The following SV2C variants were observed in gnomAD, a reference collection of about 807,000 sequenced individuals.
SV2C encodes the protein solute carrier family 22 member B3.
A neutral mutation model predicts 79.7 loss-of-function variants in SV2C; 49 were observed. That is an observed-to-expected ratio of 0.61 (90% CI 0.49 to 0.78). The LOEUF is 0.78. Ranked by LOEUF, SV2C falls within the 30% of genes least tolerant of loss-of-function variation. The probability of loss-of-function intolerance (pLI) is 0.00; values close to 1 mark genes in which losing one functional copy is unlikely to be tolerated. For synonymous variants in SV2C, 334 were observed against 333.2 expected (o/e 1.00, Z -0.03); for missense variants, 833 against 912.9 (o/e 0.91, Z 1.13).
chr5:75,887,578 G>T, the SV2C span, among the ~76,000 whole-genome samples: 22 of 152,234 alleles, frequency 1.4e-4, no homozygotes, highest in South Asian at 1.7e-3. Context: ...CGTCTGGAAT[G>T]CAGGTACCTT....
chr5:75,933,305 TACTC>T, the SV2C span, among the ~76,000 whole-genome samples: 1 of 152,246 alleles, frequency 6.6e-6, no homozygotes, highest in Non-Finnish European at 1.5e-5. Context: ...TTCACTTGCT[TACTC>T]ACATGTTTAA....
the SV2C span, among the ~76,000 whole-genome samples, chr5:76,011,340 T>C: frequency 2.0e-5 from 3 of 152,130 alleles, no homozygotes; most frequent in Non-Finnish European, 2.9e-5. Context: ...AAATAACTAG[T>C]ATAATAGCTA....
At chr5:76,157,224 C>T (rs1195205308) in intron 2 of SV2C, among the ~76,000 whole-genome samples, 1 of 151,930 alleles carries the variant, frequency 6.6e-6, no homozygotes, top group African/African-American at 2.4e-5. Flanking sequence ...CTGACTTCTC[C>T]TCAGAAATAG....
chr5:75,972,250 C>A, the SV2C span, among the ~76,000 whole-genome samples: 2 of 152,058 alleles, frequency 1.3e-5, no homozygotes, highest in Non-Finnish European at 2.9e-5. Context: ...CAATACCATT[C>A]AGGACATAGG....
chr5:76,326,537 C>G lies in SV2C; in HGVS notation c.*990C>G, dbSNP rs961122153. 2.0e-5 allele frequency: 3 copies of G among 152,170 alleles called. No homozygotes were observed. The highest frequency in any genetic ancestry group is 7.2e-5 in the African/African-American group (3 of 41,440). The allele number at this position is 152,170 out of a possible 1,614,324, so 9.4% of individuals were successfully genotyped here. Reference sequence around the variant, plus strand: ...GCCATTTGGAAATACAAAATGGTACCTCTTTCCAGTACCTCTTTGCTGTGG... The same window carrying G: ...GCCATTTGGAAATACAAAATGGTACGTCTTTCCAGTACCTCTTTGCTGTGG... On this transcript the variant is annotated 3_prime_UTR_variant, in exon 13 of 13. Coordinates refer to ENST00000502798, the MANE Select transcript of SV2C (RefSeq NM_014979.4).
At chr5:76,129,225 A>C (rs1323386885) in intron 1 of SV2C, among the ~76,000 whole-genome samples, 1 of 152,204 alleles carries the variant, frequency 6.6e-6, no homozygotes, top group Non-Finnish European at 1.5e-5. Flanking sequence ...ATCTACAAAC[A>C]TCTAATTTTA....
upstream of SV2C, chr5:76,082,046 G>C (rs1165508532): frequency 6.6e-6 from 1 of 152,296 alleles, no homozygotes; most frequent in East Asian, 1.9e-4. Flanking sequence ...GGAGAGATGT[G>C]TGTGTTTGAG....
At chr5:76,150,002 G>C (rs921751615) in intron 2 of SV2C, among the ~76,000 whole-genome samples, 1 of 152,180 alleles carries the variant, frequency 6.6e-6, no homozygotes, top group Admixed American at 6.5e-5. Flanking sequence ...AATCTAGTTA[G>C]ATCAGAAATA....
At chr5:75,900,930 C>G in the SV2C span, among the ~76,000 whole-genome samples, 1 of 152,210 alleles carries the variant, frequency 6.6e-6, no homozygotes, top group Non-Finnish European at 1.5e-5. Context: ...TGGTTTTCAG[C>G]TCCATCAGCT....
chr5:76,321,237 A>G (rs545554188), intron 12 of SV2C, among the ~76,000 whole-genome samples: 2 of 152,174 alleles, frequency 1.3e-5, no homozygotes, highest in Non-Finnish European at 1.5e-5. Context: ...CAAATCAAAC[A>G]AAGAAAGATG....
the SV2C span, among the ~76,000 whole-genome samples, chr5:76,030,190 A>C: frequency 1.3e-5 from 2 of 151,436 alleles, no homozygotes. Context: ...CTCCTTGACA[A>C]AATGTGTAAA....
the SV2C span, among the ~76,000 whole-genome samples, chr5:75,969,313 T>A: frequency 6.6e-6 from 1 of 152,206 alleles, no homozygotes; most frequent in East Asian, 1.9e-4. Flanking sequence ...AGGATCAAAT[T>A]CACACATAAC....
intron 2 of SV2C, among the ~76,000 whole-genome samples, chr5:76,168,071 A>G (rs749362128): frequency 5.2e-4 from 79 of 152,146 alleles, no homozygotes; most frequent in Non-Finnish European, 1.0e-3. Context: ...AGTTTCCTGT[A>G]TAAATGCACA....
intron 4 of SV2C, among the ~76,000 whole-genome samples, chr5:76,253,920 C>A (rs10045181): frequency 0.43 from 65,837 of 151,766 alleles, 14,530 homozygotes; most frequent in Middle Eastern, 0.49. Flanking sequence ...GATTCTGCTG[C>A]AGACTATTCT....
chr5:75,933,339 A>G, the SV2C span, among the ~76,000 whole-genome samples: 6 of 152,198 alleles, frequency 3.9e-5, no homozygotes, highest in Non-Finnish European at 5.9e-5. Context: ...CCTCTACTGG[A>G]CAGCAAACTT....
At chr5:76,078,882 G>A, upstream of SV2C, 1 of 567,980 alleles carries the variant, frequency 1.8e-6, no homozygotes, top group Non-Finnish European at 3.5e-6. Flanking sequence ...TGGTGTTGCT[G>A]GACCTTCAGA....
At chr5:76,062,348 C>CT in the SV2C span, among the ~76,000 whole-genome samples, 2 of 152,026 alleles carry the variant, frequency 1.3e-5, no homozygotes, top group Non-Finnish European at 2.9e-5. Context: ...AGTAGCTTTT[C>CT]TTTTGCCCTT....
chr5:75,881,511 A>C, the SV2C span, among the ~76,000 whole-genome samples: 1,444 of 152,252 alleles, frequency 9.5e-3, 24 homozygotes, highest in African/African-American at 0.031. Flanking sequence ...GAGGTCCTTC[A>C]CATCCCTTGT....
the SV2C span, among the ~76,000 whole-genome samples, chr5:75,950,833 CT>C: frequency 6.6e-6 from 1 of 151,954 alleles, no homozygotes; most frequent in Admixed American, 6.6e-5. Flanking sequence ...AGTAATATCC[CT>C]GGAACAATTA....
Sources: allele counts gnomAD v4.1 joint callset (sites outside exome capture counted in the v4.1 genomes callset), GRCh38; gene constraint gnomAD v4.1.1; transcripts MANE v1.5; gene names NCBI Gene and HGNC (gene_info 2026-07-23, HGNC 2026-07-21).